LRRC51: variants seen among roughly 807,000 people sequenced by gnomAD.
LRRC51 encodes the protein leucine rich repeat containing 51, also known as leucine-rich repeat-containing protein 51.
A neutral mutation model predicts 17.8 loss-of-function variants in LRRC51; 8 were observed. The observed-to-expected ratio is 0.45, with a 90% CI of 0.26 to 0.81. The LOEUF (loss-of-function observed/expected upper bound fraction) is 0.81, where lower values mean the gene tolerates loss of function less well. Ranked by LOEUF, LRRC51 falls within the 30% of genes least tolerant of loss-of-function variation. The pLI, the probability that LRRC51 is intolerant of heterozygous loss-of-function variation, is 0.17. For missense variants in LRRC51, 233 were observed against 239.3 expected (o/e 0.97, Z 0.17); for synonymous variants, 92 against 96.0 (o/e 0.96, Z 0.24).
rs1448528926 is a variant in LRRC51 at position 72,089,360 on chromosome 11, C to G, written c.82+195C>G. 3 of 1,469,134 alleles carry G rather than the reference C, an allele frequency of 2.0e-6. No individual in the cohort carries two copies. The African/African-American group carries it at 4.2e-5, about 21-fold the overall frequency. 91.0% of individuals were successfully genotyped at this position (1,469,134 alleles called of 1,614,324 possible). On this transcript the variant is annotated intron_variant, in intron 3 of 5. Transcript: ENST00000289488. ...CTTTTTGTTTGTTTTGATTTTGCCC[C>G]GATACAGCCCCAGGAGATCCTAAGA...
intron 4 of LRRC51, chr11:72,094,651 G>A: frequency 1.4e-6 from 1 of 698,452 alleles, no homozygotes; most frequent in East Asian, 2.7e-5. Flanking sequence ...GATCACCAAA[G>A]CTGGAAAGGT....
intron 1 of LRRC51, among the ~76,000 whole-genome samples, chr11:72,082,016 T>C (rs1022144205): frequency 6.6e-6 from 1 of 152,212 alleles, no homozygotes; most frequent in Non-Finnish European, 1.5e-5. Context: ...GACTTCCAGC[T>C]AAGTCTCTTT....
chr11:72,087,321 G>A (rs1944596236), intron 1 of LRRC51, among the ~76,000 whole-genome samples: 1 of 115,166 alleles, frequency 8.7e-6, no homozygotes, highest in Non-Finnish European at 1.7e-5. Context: ...TTTTTCCTGA[G>A]ACAGGGTCTA....
rs1025638629 is a variant in LRRC51 at position 72,095,401 on chromosome 11, T to C, written c.460T>C (p.Ser154Pro). Residue 154 changes from serine (S) to proline (P), a missense_variant, in exon 6 of 6, where the codon TCC (serine) becomes CCC (proline). Coordinates refer to ENST00000289488, the MANE Select transcript of LRRC51 (RefSeq NM_145309.6). ...GYRQYVLCTL[S>P]RITTFDFSGV... ...CAGGCAATATGTGCTGTGCACCCTG[T>C]CCCGTATCACCACGTTCGACTTCAG... 9 of 1,613,950 alleles carry C rather than the reference T, an allele frequency of 5.6e-6. No individual in the cohort carries two copies. The highest frequency in any genetic ancestry group is 5.0e-5 in the Admixed American group (3 of 59,996).
In LRRC51 at chr11:72,094,153, G is replaced by A. The variant is rs7483267; in HGVS notation, c.288+452G>A. Reference sequence around the variant, plus strand: ...TACAAAAAATTAGCTGGGCGTGGTGGCGGGCGCCTGTAGTCCCAGCTACTC... The same window carrying A: ...TACAAAAAATTAGCTGGGCGTGGTGACGGGCGCCTGTAGTCCCAGCTACTC... On this transcript the variant is annotated intron_variant, in intron 4 of 5. Transcript: ENST00000289488. Among the ~76,000 whole-genome samples the A allele has an allele frequency of 4.3e-3, 656 of 152,208 alleles. 2 individuals are homozygous for A. Among genetic ancestry groups the A allele is most frequent in the African/African-American group, 0.015 (626 of 41,518 alleles).
chr11:72,088,408 T>A, intron 2 of LRRC51, 28 bp downstream of exon 2: 1 of 702,330 alleles, frequency 1.4e-6, no homozygotes, highest in Non-Finnish European at 2.6e-6. Context: ...TCTGGTTTTG[T>A]GTGTGTGTAT....
intron 1 of LRRC51, among the ~76,000 whole-genome samples, chr11:72,082,186 C>T (rs941031323): frequency 6.6e-6 from 1 of 152,176 alleles, no homozygotes; most frequent in African/African-American, 2.4e-5. Flanking sequence ...GGAAAAGGAA[C>T]TAGAGAGACT....
intron 3 of LRRC51, among the ~76,000 whole-genome samples, chr11:72,090,783 TC>T (rs1251319301): frequency 6.6e-6 from 1 of 152,116 alleles, no homozygotes; most frequent in East Asian, 1.9e-4. Context: ...GTTAAGGAAG[TC>T]CCCCACCATA....
intron 3 of LRRC51, 151 bp downstream of exon 3, chr11:72,089,316 G>A (rs1944721946): frequency 1.3e-6 from 2 of 1,506,232 alleles, no homozygotes; most frequent in Non-Finnish European, 1.8e-6. Flanking sequence ...GTAGGGGAGA[G>A]TGAGAGGTTT....
chr11:72,087,897 CATT>C (rs560880276), intron 1 of LRRC51, among the ~76,000 whole-genome samples: 357 of 152,206 alleles, frequency 2.3e-3, no homozygotes, highest in South Asian at 9.7e-3. Flanking sequence ...GCATTTGTGA[CATT>C]ATATTTCTAG....
At position 72,090,481 on chromosome 11, in the gene LRRC51, A is replaced by ATG. The variant is rs561741354; in HGVS notation, c.82+1317_82+1318insGT. ...TACTGAGCACTTACTAAAAGCATTT[A>ATG]TATATGTGTGTGTGTGTGTGCGTCA... On this transcript the variant is annotated intron_variant, in intron 3 of 5. Transcript: ENST00000289488. Among the ~76,000 whole-genome samples the ATG allele has an allele frequency of 8.0e-3, 1,211 of 152,216 alleles. 12 individuals are homozygous for ATG. Among genetic ancestry groups the ATG allele is most frequent in the African/African-American group, 0.028 (1,157 of 41,532 alleles).
At chr11:72,080,954 TC>T (rs1331021937) in intron 1 of LRRC51, 69 bp downstream of exon 1, 3 of 152,484 alleles carry the variant, frequency 2.0e-5, no homozygotes, top group African/African-American at 7.2e-5. Flanking sequence ...GGAGGGGCAC[TC>T]ACAGAACGAC....
chr11:72,088,170 C>T, intron 1 of LRRC51, 127 bp from the exon 2 acceptor site: 1 of 570,650 alleles, frequency 1.8e-6, no homozygotes, highest in Non-Finnish European at 3.1e-6. Context: ...GTAGTATTCT[C>T]ATGGCTCTCC....
chr11:72,088,944 A>G, intron 2 of LRRC51, 85 bp from the exon 3 acceptor site: 1 of 1,501,520 alleles, frequency 6.7e-7, no homozygotes, highest in Non-Finnish European at 9.1e-7. Flanking sequence ...CTAGAGTAGT[A>G]GAGGACAGAA....
chr11:72,089,029 G>C lies in LRRC51; in HGVS notation c.-55G>C. ...CACTGGTCTTTCTCTGTCCTCCCAG[G>C]CTGAACCCAGACTCCCAGGGCACCT... On this transcript the variant is annotated splice_region_variant and 5_prime_UTR_variant, in exon 3 of 6. Coordinates refer to ENST00000289488, the MANE Select transcript of LRRC51 (RefSeq NM_145309.6). 1 of 1,611,656 alleles carries C rather than the reference G, an allele frequency of 6.2e-7. No homozygotes were observed. The highest frequency in any genetic ancestry group is 8.5e-7 in the Non-Finnish European group (1 of 1,179,662).
intron 1 of LRRC51, among the ~76,000 whole-genome samples, chr11:72,084,196 T>C (rs1243585099): frequency 1.3e-5 from 2 of 151,942 alleles, no homozygotes; most frequent in Non-Finnish European, 2.9e-5. Flanking sequence ...CAGCCTTTGA[T>C]TTTTTTTCCA....
intron 1 of LRRC51, among the ~76,000 whole-genome samples, chr11:72,081,313 TA>T (rs1187273419): frequency 6.6e-6 from 1 of 151,950 alleles, no homozygotes; most frequent in African/African-American, 2.4e-5. Flanking sequence ...CCCCAGCTAC[TA>T]GGGAGGCTGA....
At chr11:72,090,145 TTC>T (rs1363262591) in intron 3 of LRRC51, among the ~76,000 whole-genome samples, 1 of 152,242 alleles carries the variant, frequency 6.6e-6, no homozygotes, top group African/African-American at 2.4e-5. Flanking sequence ...CTCACGTTTG[TTC>T]TCTCACGAGC....
chr11:72,090,367 G>A (rs1453410112), intron 3 of LRRC51, among the ~76,000 whole-genome samples: 1 of 152,094 alleles, frequency 6.6e-6, no homozygotes, highest in African/African-American at 2.4e-5. Flanking sequence ...CTCAGAATTG[G>A]GAGAGAGACA....
Sources: gnomAD v4.1 joint callset for allele counts (sites outside exome capture counted in the v4.1 genomes callset) on GRCh38, gnomAD v4.1.1 for gene constraint, MANE v1.5 for transcripts, NCBI Gene and HGNC (gene_info 2026-07-23, HGNC 2026-07-21) for gene names.